Variants in BRD1 observed in about 807,000 individuals in gnomAD.
The protein encoded by BRD1 is bromodomain-containing protein 1.
BRD1 carries 24 observed loss-of-function variants against 107.7 expected under a neutral mutation model. The observed-to-expected ratio is 0.22, with a 90% CI of 0.16 to 0.31. BRD1 has a LOEUF of 0.31. Ranked by LOEUF, BRD1 falls within the 10% of genes least tolerant of loss-of-function variation. The pLI, the probability that BRD1 is intolerant of heterozygous loss-of-function variation, is 1.00. For missense variants in BRD1, 1,279 were observed against 1,638.6 expected (o/e 0.78, Z 3.79); for synonymous variants, 744 against 686.1 (o/e 1.08, Z -1.32).
At chr22:49,793,944 C>G (rs936405768) in intron 7 of BRD1, 90 bp downstream of exon 7, 14 of 1,512,574 alleles carry the variant, frequency 9.3e-6, no homozygotes, top group Non-Finnish European at 1.1e-5. Context: ...CACACCAACG[C>G]TGCTGCCCGT....
In BRD1 at chr22:49,792,692, G is replaced by C. The variant is rs1449469243; in HGVS notation, c.2359+1342C>G. Among the ~76,000 whole-genome samples, 1 of 152,192 alleles carries C rather than the reference G, an allele frequency of 6.6e-6. No homozygotes were observed. Among genetic ancestry groups the C allele is most frequent in the African/African-American group, 2.4e-5 (1 of 41,438 alleles). On this transcript the variant is annotated intron_variant, in intron 7 of 12. Transcript: ENST00000404760. This position sits in a 1 kb window ranked among gnomAD's most constrained non-coding sequence, Gnocchi z 4.2. ...GTACTATACTATGGTGAACTAAACAGAAGAATCCCAGAACAGAACAACAAA... is the reference window on the plus strand; with the variant it reads ...GTACTATACTATGGTGAACTAAACACAAGAATCCCAGAACAGAACAACAAA...
At chr22:49,801,330 G>A (rs553733942) in intron 3 of BRD1, among the ~76,000 whole-genome samples, 4 of 152,298 alleles carry the variant, frequency 2.6e-5, no homozygotes, top group South Asian at 4.1e-4. Context: ...GCACAGACCC[G>A]CCATCGCTGC....
chr22:49,786,003 G>A (rs763237), intron 8 of BRD1, among the ~76,000 whole-genome samples: 13,016 of 152,160 alleles, frequency 0.086, 1,597 homozygotes, highest in African/African-American at 0.27. Context: ...ATCTGCACCC[G>A]GCCTGGTGAG....
Position 49,824,945 on chromosome 22 carries a change from A to AC in BRD1, c.-14-615_-14-614insG. ...CACAGCCTGTCCATCCTCTATAGACAGGCCCTCCACACGCACAACACGGCA... is the reference window on the plus strand; with the variant it reads ...CACAGCCTGTCCATCCTCTATAGACACGGCCCTCCACACGCACAACACGGCA... On this transcript the variant is annotated intron_variant, in intron 1 of 12. Coordinates refer to ENST00000404760, the MANE Select transcript of BRD1 (RefSeq NM_001304808.3). This position sits in a 1 kb window ranked among gnomAD's most constrained non-coding sequence, Gnocchi z 5.9. 3 of 407,884 alleles carry AC rather than the reference A, an allele frequency of 7.4e-6. No individual in the cohort carries two copies. The highest frequency in any genetic ancestry group is 1.9e-4 in the South Asian group (2 of 10,682). The allele number at this position is 407,884 out of a possible 1,614,324, so 25.3% of individuals were successfully genotyped here. A position where few individuals can be genotyped will look rare whatever the true frequency, so the allele number is the denominator to read the frequency against.
intron 3 of BRD1, among the ~76,000 whole-genome samples, chr22:49,801,180 CAGG>C (rs1003641760): frequency 2.0e-5 from 3 of 152,242 alleles, no homozygotes; most frequent in African/African-American, 7.2e-5. Context: ...GCCACGGGAG[CAGG>C]AGACAGTGGG....
At chr22:49,788,000 G>A (rs2059362372) in intron 7 of BRD1, 113 bp from the exon 8 acceptor site, 2 of 1,067,908 alleles carry the variant, frequency 1.9e-6, no homozygotes, top group Non-Finnish European at 2.6e-6. Flanking sequence ...AAGGAAACAA[G>A]GCATCGCATG....
intron 9 of BRD1, 58 bp from the exon 10 acceptor site, chr22:49,777,219 G>A (rs796873795): frequency 2.0e-5 from 32 of 1,598,606 alleles, no homozygotes; most frequent in African/African-American, 1.1e-4. Context: ...AGCCTCACTC[G>A]GGCTTCGTCC....
Position 49,822,996 on chromosome 22 carries a change from C to T in BRD1, c.1322G>A (p.Cys441Tyr), listed in dbSNP as rs774288962. 1 of 1,614,246 alleles carries T rather than the reference C, an allele frequency of 6.2e-7. No individual in the cohort carries two copies. Residue 441 changes from cysteine (C) to tyrosine (Y), a missense_variant, in exon 2 of 13, where the codon TGC (cysteine) becomes TAC (tyrosine). Physicochemically the swap from Cys to Tyr is radical, Grantham distance 194. This residue lies in a region of BRD1 where 87 missense variants were observed against 77.1 expected (regional missense o/e 1.13). Transcript: ENST00000404760. ...AGCGCACACGGTCGGCAGGACCGCGCAGGGCTCAGCCAGAGCTTTCTTAGC... is the reference window on the plus strand; with the variant it reads ...AGCGCACACGGTCGGCAGGACCGCGTAGGGCTCAGCCAGAGCTTTCTTAGC... ...KKAKKALAEP[C>Y]AVLPTVCAPY...
intron 8 of BRD1, 89 bp downstream of exon 8, chr22:49,787,301 C>T (rs1469000446): frequency 4.0e-6 from 2 of 500,782 alleles, no homozygotes; most frequent in African/African-American, 6.2e-5. Context: ...AGCTGGACAC[C>T]CCCCCCCCCC....
rs2060163565 is a variant in BRD1, at chr22:49,827,864, C to T, written c.-382G>A. ...GTCGCTCGCTCGCTCCCCAGCGAAG[C>T]AAACAATGCGGCGAGCGCTCCGCCC... On this transcript the variant is annotated 5_prime_UTR_variant, in exon 1 of 13. Coordinates refer to ENST00000404760, the MANE Select transcript of BRD1 (RefSeq NM_001304808.3). Among the ~76,000 whole-genome samples, 1 of 145,038 alleles carries T rather than the reference C, an allele frequency of 6.9e-6. No individual in the cohort carries two copies. The highest frequency in any genetic ancestry group is 1.5e-5 in the Non-Finnish European group (1 of 65,526).
At chr22:49,791,881 G>A (rs567621742) in intron 7 of BRD1, among the ~76,000 whole-genome samples, 1 of 152,246 alleles carries the variant, frequency 6.6e-6, no homozygotes, top group East Asian at 1.9e-4. Flanking sequence ...TGTGAACATT[G>A]GGTGTAACAG....
At position 49,777,675 on chromosome 22, in the gene BRD1, C is replaced by T. The variant is rs1454338567; in HGVS notation, c.2993+3G>A. 1 of 1,604,598 alleles carries T rather than the reference C, an allele frequency of 6.2e-7. No homozygotes were observed. The highest frequency in any genetic ancestry group is 1.1e-5 in the South Asian group (1 of 89,612). On this transcript the variant is annotated splice_donor_region_variant and intron_variant, in intron 9 of 12. Coordinates refer to ENST00000404760, the MANE Select transcript of BRD1 (RefSeq NM_001304808.3). The stretch of plus-strand genomic sequence containing the variant: ...GTGGGAAGCGCAGGGCCGCGGTGCC[C>T]ACCTCGAGTCGCAGAGCGGGCTGTT...
chr22:49,775,837 C>CCCCCCCCTG, intron 11 of BRD1, 92 bp from the exon 12 acceptor site: 2 of 1,293,480 alleles, frequency 1.5e-6, no homozygotes, highest in South Asian at 1.6e-5. Context: ...CTCCCCACCC[C>CCCCCCCCTG]AGCTGTGTGA....
chr22:49,818,289 A>T, intron 2 of BRD1: 1 of 1,279,116 alleles, frequency 7.8e-7, no homozygotes, highest in Non-Finnish European at 1.0e-6. Flanking sequence ...CTCCTAGAAG[A>T]TCTGAAGCAG....
At chr22:49,816,217 G>A (rs891816676) in intron 2 of BRD1, among the ~76,000 whole-genome samples, 8 of 152,196 alleles carry the variant, frequency 5.3e-5, no homozygotes, top group African/African-American at 1.9e-4. Context: ...GCGGCCGGTG[G>A]CTCTAATCCG....
chr22:49,794,603 G>A (rs1046556397), intron 6 of BRD1, among the ~76,000 whole-genome samples: 1 of 152,258 alleles, frequency 6.6e-6, no homozygotes, highest in East Asian at 1.9e-4. Context: ...GGCTGCCTGT[G>A]CAGACAGCCT....
intron 6 of BRD1, among the ~76,000 whole-genome samples, chr22:49,795,148 A>C (rs775325672): frequency 6.6e-6 from 1 of 152,258 alleles, no homozygotes; most frequent in Non-Finnish European, 1.5e-5. Flanking sequence ...TCGTATCCAT[A>C]ACATCACTCT....
chr22:49,800,841 G>A (rs578042530), intron 3 of BRD1, among the ~76,000 whole-genome samples: 6 of 152,376 alleles, frequency 3.9e-5, no homozygotes, highest in African/African-American at 1.4e-4. Flanking sequence ...CCACTGCCGG[G>A]AAGAAGCTGA....
chr22:49,781,124 C>T (rs945483227), intron 8 of BRD1, among the ~76,000 whole-genome samples: 2 of 152,192 alleles, frequency 1.3e-5, no homozygotes, highest in Non-Finnish European at 1.5e-5. Context: ...ATTCCCACAG[C>T]GGCCAGGGTC....
Sources: gnomAD v4.1 joint callset for allele counts (sites outside exome capture counted in the v4.1 genomes callset) on GRCh38, gnomAD v4.1.1 for gene constraint, gnomAD v4.1.1 regional missense constraint, Gnocchi (gnomAD v3.1) non-coding constraint, MANE v1.5 for transcripts, NCBI Gene and HGNC (gene_info 2026-07-23, HGNC 2026-07-21) for gene names.